CLVS1: variants seen among roughly 807,000 people sequenced by gnomAD.
CLVS1 encodes clavesin 1.
A neutral mutation model predicts 33.1 loss-of-function variants in CLVS1; 10 were observed. That is an observed-to-expected ratio of 0.30 (90% confidence interval 0.19 to 0.51). The LOEUF (loss-of-function observed/expected upper bound fraction) is 0.51, where lower values mean the gene tolerates loss of function less well. CLVS1 is among the 20% of genes least tolerant of loss of function. The probability of loss-of-function intolerance (pLI) is 0.97; values close to 1 mark genes in which losing one functional copy is unlikely to be tolerated. For synonymous variants in CLVS1, 163 were observed against 166.1 expected, an observed-to-expected ratio of 0.98 and a Z score of 0.14; for missense variants, 343 against 433.4, an observed-to-expected ratio of 0.79 and a Z score of 1.85.
intron 2 of CLVS1, among the ~76,000 whole-genome samples, chr8:61,178,544 A>G (rs768540792): frequency 6.6e-6 from 1 of 152,142 alleles, no homozygotes; most frequent in Non-Finnish European, 1.5e-5. Context: ...ACACATAATC[A>G]TCAGATTCTC....
At chr8:61,372,872 C>T (rs2129601378) in intron 2 of CLVS1, among the ~76,000 whole-genome samples, 1 of 152,304 alleles carries the variant, frequency 6.6e-6, no homozygotes, top group Non-Finnish European at 1.5e-5. Context: ...GTGCCATTTT[C>T]ATCACCTTAG....
intron 3 of CLVS1, among the ~76,000 whole-genome samples, chr8:61,397,618 G>C (rs1213941467): frequency 6.6e-6 from 1 of 152,070 alleles, no homozygotes; most frequent in Non-Finnish European, 1.5e-5. Context: ...GATGATTGAC[G>C]CCTATGTTTT....
chr8:61,456,839 A>G (rs1258843422), intron 4 of CLVS1, among the ~76,000 whole-genome samples: 8 of 150,218 alleles, frequency 5.3e-5, no homozygotes, highest in Non-Finnish European at 1.2e-4. Context: ...AACGGCATGA[A>G]CCTGGGAGGG....
chr8:61,442,669 G>A (rs1816600519), intron 3 of CLVS1, among the ~76,000 whole-genome samples: 1 of 152,018 alleles, frequency 6.6e-6, no homozygotes, highest in African/African-American at 2.4e-5. Flanking sequence ...GCGCGATCTT[G>A]GCTCACCACA....
Position 61,366,181 on chromosome 8 carries a change from TG to T in CLVS1, c.456-10422del, listed in dbSNP as rs563121649. Among the ~76,000 whole-genome samples, 17 of 152,322 alleles carry T rather than the reference TG, an allele frequency of 1.1e-4. 1 individual carries two copies. In the South Asian group the frequency reaches 3.3e-3, roughly 30 times the overall value. The stretch of plus-strand genomic sequence containing the variant: ...TTCTGCTGCTGCTCTCTATGGGCCC[TG>T]GTGCAATCTCTATCCAGAGAGCTAC... On this transcript the variant is annotated intron_variant, in intron 2 of 5. Coordinates refer to ENST00000325897, the MANE Select transcript of CLVS1 (RefSeq NM_173519.3).
At chr8:61,058,204 T>C (rs899233469) in intron 1 of CLVS1, among the ~76,000 whole-genome samples, 1 of 152,152 alleles carries the variant, frequency 6.6e-6, no homozygotes, top group Admixed American at 6.5e-5. Flanking sequence ...GAGGCTGGTG[T>C]GCAAAGTCAT....
chr8:61,035,192 T>C, the CLVS1 span, among the ~76,000 whole-genome samples: 3 of 148,572 alleles, frequency 2.0e-5, 1 homozygote, highest in African/African-American at 7.4e-5. Flanking sequence ...TTTTTCTTTT[T>C]TTTTTTTTTG....
intron 3 of CLVS1, among the ~76,000 whole-genome samples, chr8:61,400,622 G>C (rs916272810): frequency 2.6e-5 from 4 of 152,094 alleles, no homozygotes; most frequent in African/African-American, 9.7e-5. Context: ...ACTTTCAAGG[G>C]GTATGCTTCC....
intron 1 of CLVS1, among the ~76,000 whole-genome samples, chr8:61,120,881 T>A: frequency 6.8e-6 from 1 of 147,358 alleles, no homozygotes; most frequent in African/African-American, 2.6e-5. Flanking sequence ...CAGGCCTCCT[T>A]GATCTGTGGT....
At chr8:61,455,893 T>A (rs1008107637) in intron 4 of CLVS1, among the ~76,000 whole-genome samples, 4 of 152,160 alleles carry the variant, frequency 2.6e-5, no homozygotes, top group African/African-American at 7.2e-5. Flanking sequence ...AGCATTGCAA[T>A]GGGGTAGAGC....
At position 61,116,583 on chromosome 8, in the gene CLVS1, A is replaced by G. The variant is rs7819604; in HGVS notation, c.-242-15187A>G. On this transcript the variant is annotated intron_variant, in intron 1 of 2. Transcript: ENST00000522621. Reference sequence around the variant, plus strand: ...CAAAGGGATCCAGTTTTAGCTTTCTACATATGGCTAGCCAATTTTCCCAGC... The same window carrying G: ...CAAAGGGATCCAGTTTTAGCTTTCTGCATATGGCTAGCCAATTTTCCCAGC... Among the ~76,000 whole-genome samples, 411 of 152,256 alleles carry G rather than the reference A, an allele frequency of 2.7e-3. 2 individuals are homozygous for G. Among genetic ancestry groups the G allele is most frequent in the African/African-American group, 9.6e-3 (398 of 41,514 alleles).
intron 2 of CLVS1, among the ~76,000 whole-genome samples, chr8:61,368,597 C>T (rs1413222774): frequency 6.6e-6 from 1 of 152,164 alleles, no homozygotes; most frequent in South Asian, 2.1e-4. Flanking sequence ...GCTAGAGAGA[C>T]ACACATTTGC....
chr8:61,019,341 G>A, the CLVS1 span, among the ~76,000 whole-genome samples: 95 of 152,186 alleles, frequency 6.2e-4, no homozygotes, highest in African/African-American at 2.2e-3. Flanking sequence ...GGTAATGTTT[G>A]TGATTCTAAT....
intron 1 of CLVS1, among the ~76,000 whole-genome samples, chr8:61,290,792 AATC>A (rs1019418296): frequency 2.4e-4 from 37 of 152,220 alleles, no homozygotes; most frequent in African/African-American, 8.9e-4. Context: ...GACTATATGC[AATC>A]AGTCCAGAAA....
At chr8:61,174,594 T>C (rs1807076675) in intron 2 of CLVS1, among the ~76,000 whole-genome samples, 1 of 152,210 alleles carries the variant, frequency 6.6e-6, no homozygotes, top group African/African-American at 2.4e-5. Flanking sequence ...CCAACCAGTA[T>C]TTTTTGTTGG....
At chr8:61,251,523 G>A (rs1340805845) in intron 2 of CLVS1, among the ~76,000 whole-genome samples, 2 of 152,102 alleles carry the variant, frequency 1.3e-5, no homozygotes, top group Admixed American at 6.6e-5. Context: ...GTAGAATTGG[G>A]CTATAAATCT....
chr8:61,169,349 G>T (rs946497267), intron 2 of CLVS1, among the ~76,000 whole-genome samples: 2 of 152,074 alleles, frequency 1.3e-5, no homozygotes, highest in Non-Finnish European at 2.9e-5. Context: ...CTTTCTAAAA[G>T]TTCCTTTACC....
At chr8:60,984,409 C>T in the CLVS1 span, among the ~76,000 whole-genome samples, 28 of 151,670 alleles carry the variant, frequency 1.8e-4, no homozygotes, top group Non-Finnish European at 3.8e-4. Flanking sequence ...CAATCTTTGC[C>T]TCCCAGGTTC....
At chr8:61,204,256 T>A (rs1229325352) in intron 2 of CLVS1, among the ~76,000 whole-genome samples, 1 of 152,228 alleles carries the variant, frequency 6.6e-6, no homozygotes, top group Non-Finnish European at 1.5e-5. Flanking sequence ...AGTATCATAA[T>A]TATTTTGTTG....
Sources: gnomAD v4.1 joint callset for allele counts (sites outside exome capture counted in the v4.1 genomes callset) on GRCh38, gnomAD v4.1.1 for gene constraint, MANE v1.5 for transcripts, NCBI Gene and HGNC (gene_info 2026-07-23, HGNC 2026-07-21) for gene names.